Variants in RCC1 observed in about 807,000 individuals in gnomAD.
RCC1 encodes regulator of chromosome condensation 1.
RCC1 carries 11 observed loss-of-function variants against 44.4 expected under a neutral mutation model. That is an observed-to-expected ratio of 0.25 (90% confidence interval 0.16 to 0.41). The LOEUF (loss-of-function observed/expected upper bound fraction) is 0.41, where lower values mean the gene tolerates loss of function less well. RCC1 is among the 10% of genes least tolerant of loss of function. The pLI is 1.00. For missense variants in RCC1, 386 were observed against 547.1 expected, an observed-to-expected ratio of 0.71 and a Z score of 2.94; for synonymous variants, 213 against 216.5, an observed-to-expected ratio of 0.98 and a Z score of 0.14.
intron 4 of RCC1, among the ~76,000 whole-genome samples, chr1:28,522,597 C>T (rs372975050): frequency 5.9e-5 from 9 of 151,458 alleles, no homozygotes; most frequent in African/African-American, 1.5e-4. Flanking sequence ...CACTTGAGCC[C>T]GGGAGTTTGA....
Position 28,538,053 on chromosome 1 carries a change from CAG to C in RCC1, c.*48_*49del. ...CTTCTGTCCTGCACAACCTCCCTCA[CAG>C]AACAGGGAAGCAGTGACAGCTGCAG... On this transcript the variant is annotated 3_prime_UTR_variant, in exon 13 of 13. Transcript: ENST00000683442. The C allele has an allele frequency of 4.5e-6, 7 of 1,571,406 alleles. 1 individual carries two copies. In the South Asian group the frequency reaches 8.1e-5, roughly 18 times the overall value.
chr1:28,533,315 CA>C (rs1235866076), intron 7 of RCC1, among the ~76,000 whole-genome samples: 1 of 151,288 alleles, frequency 6.6e-6, no homozygotes, highest in Non-Finnish European at 1.5e-5. Context: ...ACTAAAAATA[CA>C]AAAAATTAGC....
intron 3 of RCC1, among the ~76,000 whole-genome samples, chr1:28,516,149 C>T (rs1662882255): frequency 6.6e-6 from 1 of 151,842 alleles, no homozygotes; most frequent in Non-Finnish European, 1.5e-5. Context: ...TGCCATTGCA[C>T]TCTAGCCTGG....
chr1:28,520,159 G>A (rs1663180008), intron 4 of RCC1, among the ~76,000 whole-genome samples: 1 of 152,136 alleles, frequency 6.6e-6, no homozygotes, highest in Non-Finnish European at 1.5e-5. Context: ...CATAACAGCA[G>A]CTCACCAAAT....
At chr1:28,532,796 T>TTTGTTG (rs570603145) in intron 7 of RCC1, 7 of 443,478 alleles carry the variant, frequency 1.6e-5, no homozygotes, top group African/African-American at 6.1e-5. Flanking sequence ...ATTGTGGGTT[T>TTTGTTG]TTGTTGTTGT....
chr1:28,528,763 C>T (rs1323709107), intron 4 of RCC1, among the ~76,000 whole-genome samples: 2 of 150,738 alleles, frequency 1.3e-5, no homozygotes, highest in Non-Finnish European at 2.9e-5. Flanking sequence ...TATTTTCTTC[C>T]CCACATTTTT....
intron 3 of RCC1, among the ~76,000 whole-genome samples, chr1:28,511,684 T>G (rs1342164896): frequency 6.6e-6 from 1 of 150,516 alleles, no homozygotes; most frequent in Non-Finnish European, 1.5e-5. Flanking sequence ...TTTTTTGAGA[T>G]CTAATCTCAC....
intron 7 of RCC1, among the ~76,000 whole-genome samples, chr1:28,534,392 G>A (rs1029811157): frequency 1.6e-4 from 24 of 151,986 alleles, no homozygotes; most frequent in Non-Finnish European, 1.0e-4. Flanking sequence ...CGTGTTAGCC[G>A]GAATGGTCTC....
chr1:28,533,631 A>G (rs578052796), intron 7 of RCC1, among the ~76,000 whole-genome samples: 2 of 118,944 alleles, frequency 1.7e-5, no homozygotes, highest in Admixed American at 1.8e-4. Flanking sequence ...TTAGCTGGAC[A>G]TGGTGGTGCA....
At position 28,536,377 on chromosome 1, in the gene RCC1, G is replaced by C; in HGVS notation, c.933G>C (p.Ser311=). Residue 311 remains serine, a synonymous_variant, in exon 11 of 13, where the codon TCG becomes TCC. Coordinates refer to ENST00000683442, the MANE Select transcript of RCC1 (RefSeq NM_001381865.2). The surrounding 1 kb of genome is among the most constrained non-coding windows in gnomAD (Gnocchi z 4.9). ...GGQHHTVCMD[S]EGKAYSLGRA... is the part of the protein sequence containing the mutation. ...AGCACCATACAGTCTGCATGGATTC[G>C]GAAGGTAGGGCCTTTACGTCCTTCT... 1 of 1,613,478 alleles carries C rather than the reference G, an allele frequency of 6.2e-7. No homozygotes were observed. The highest frequency in any genetic ancestry group is 8.5e-7 in the Non-Finnish European group (1 of 1,179,834).
At chr1:28,523,664 A>G (rs1012770816) in intron 4 of RCC1, among the ~76,000 whole-genome samples, 106 of 152,144 alleles carry the variant, frequency 7.0e-4, no homozygotes, top group African/African-American at 2.5e-3. Flanking sequence ...TGCTGACATA[A>G]TTGTTTCCTG....
At chr1:28,526,423 C>A in intron 4 of RCC1, 1 of 463,098 alleles carries the variant, frequency 2.2e-6, no homozygotes, top group Non-Finnish European at 4.1e-6. Context: ...TTAGTTAAAT[C>A]TGACAAGGGT....
chr1:28,538,090 G>C lies in RCC1; in HGVS notation c.*83G>C, dbSNP rs1252730281. 3 of 1,327,734 alleles carry C rather than the reference G, an allele frequency of 2.3e-6. No individual in the cohort carries two copies. Among genetic ancestry groups the C allele is most frequent in the Non-Finnish European group, 3.1e-6 (3 of 959,886 alleles). 82.2% of individuals were successfully genotyped at this position (1,327,734 alleles called of 1,614,324 possible). A position where few individuals can be genotyped will look rare whatever the true frequency, so the allele number is the denominator to read the frequency against. Reference sequence around the variant, plus strand: ...GCAGTGACAGCTGCAGATGGCAGCGGGCCTCTCCCCAGCCCTGAGCACTGT... The same window carrying C: ...GCAGTGACAGCTGCAGATGGCAGCGCGCCTCTCCCCAGCCCTGAGCACTGT... On this transcript the variant is annotated 3_prime_UTR_variant, in exon 13 of 13. Transcript: ENST00000683442.
At chr1:28,519,874 A>ATT (rs79483058) in intron 4 of RCC1, among the ~76,000 whole-genome samples, 4 of 140,840 alleles carry the variant, frequency 2.8e-5, no homozygotes, top group Non-Finnish European at 6.2e-5. Flanking sequence ...CACCCGGCCA[A>ATT]TTTTTTTTTT....
chr1:28,531,048 G>A (rs1195090534), intron 5 of RCC1, among the ~76,000 whole-genome samples: 1 of 152,062 alleles, frequency 6.6e-6, no homozygotes, highest in African/African-American at 2.4e-5. Flanking sequence ...GGCTAACACG[G>A]TGAAACCCCG....
At chr1:28,507,557 A>T (rs1377766923) in intron 1 of RCC1, 1 of 516,198 alleles carries the variant, frequency 1.9e-6, no homozygotes, top group East Asian at 5.5e-5. Flanking sequence ...GAGACAAACC[A>T]TGCAGGAAAC....
rs1351637844 is a variant in RCC1, at chr1:28,516,817, A to C, written c.-60A>C. The stretch of plus-strand genomic sequence containing the variant: ...TTAAAAGTTGGAGAAATTTCACAGT[A>C]CATCATCCAAAAGAGGAGTCCATGA... On this transcript the variant is annotated 5_prime_UTR_variant, in exon 4 of 13. Transcript: ENST00000683442. 4.4e-6 allele frequency: 2 copies of C among 456,660 alleles called. No individual in the cohort carries two copies. The highest frequency in any genetic ancestry group is 8.8e-6 in the Non-Finnish European group (2 of 226,946). 28.3% of individuals were successfully genotyped at this position (456,660 alleles called of 1,614,324 possible).
intron 4 of RCC1, among the ~76,000 whole-genome samples, chr1:28,518,473 G>A (rs1221632537): frequency 6.6e-6 from 1 of 150,750 alleles, no homozygotes; most frequent in African/African-American, 2.4e-5. Context: ...AAGGCGCGGT[G>A]CGGGCTCGCG....
Position 28,506,081 on chromosome 1 carries a change from C to T in RCC1, c.-265C>T, listed in dbSNP as rs373988067. 4 of 455,556 alleles carry T rather than the reference C, an allele frequency of 8.8e-6. No homozygotes were observed. The highest frequency in any genetic ancestry group is 6.9e-5 in the East Asian group (1 of 14,390). The allele number at this position is 455,556 out of a possible 1,614,324, so 28.2% of individuals were successfully genotyped here. ...AGATTCGCAGTGGTCGCTTCTTCTC[C>T]TTGGTAAGTGTGATCCTTGGTAAGT... On this transcript the variant is annotated 5_prime_UTR_variant, in exon 1 of 13. Coordinates refer to ENST00000683442, the MANE Select transcript of RCC1 (RefSeq NM_001381865.2).
Sources: allele counts gnomAD v4.1 joint callset (sites outside exome capture counted in the v4.1 genomes callset), GRCh38; gene constraint gnomAD v4.1.1; non-coding constraint Gnocchi (gnomAD v3.1); transcripts MANE v1.5; gene names NCBI Gene and HGNC (gene_info 2026-07-23, HGNC 2026-07-21).